The following ZAN variants were observed in gnomAD, a reference collection of about 807,000 sequenced individuals.
ZAN encodes zonadhesin (gene/pseudogene).
Under a neutral mutation model 286.2 loss-of-function variants are expected in ZAN, and 260 were observed. The ratio of observed to expected loss-of-function variants is 0.91; its 90% CI spans 0.82 to 1.01. ZAN has a LOEUF of 1.01. Ranked by LOEUF, ZAN falls within the 50% of genes least tolerant of loss-of-function variation. The pLI, the probability that ZAN is intolerant of heterozygous loss-of-function variation, is 0.00. For synonymous variants in ZAN, 1,368 were observed against 1,417.5 expected, an observed-to-expected ratio of 0.97 and a Z score of 0.79; for missense variants, 3,410 against 3,639.2, an observed-to-expected ratio of 0.94 and a Z score of 1.62.
intron 22 of ZAN, among the ~76,000 whole-genome samples, chr7:100,764,820 G>A (rs1254836508): frequency 6.6e-6 from 1 of 152,168 alleles, no homozygotes; most frequent in Non-Finnish European, 1.5e-5. Flanking sequence ...GGAGGTTGCA[G>A]TAAGCAGAGA....
Position 100,795,296 on chromosome 7 carries a change from G to C in ZAN, c.8226G>C (p.Leu2742=), listed in dbSNP as rs2116360380. The change falls in exon 45 of 48, where the codon CTG becomes CTC. Residue 2742 remains leucine, a synonymous_variant. Coordinates refer to ENST00000613979, the MANE Select transcript of ZAN (RefSeq NM_003386.3). The part of the protein sequence containing the change: ...CECEVGYGGG[L]CMEPRDAPPP... The stretch of plus-strand genomic sequence containing the variant: ...GTGAAGTTGGTTACGGGGGAGGCCT[G>C]TGTATGGAGCCTCGAGATGCGCCAC... The C allele has an allele frequency of 1.2e-6, 2 of 1,608,670 alleles. No homozygotes were observed. Among genetic ancestry groups the C allele is most frequent in the South Asian group, 2.2e-5 (2 of 90,488 alleles).
At chr7:100,794,297 G>A in intron 44 of ZAN, 39 bp downstream of exon 44, 2 of 1,552,574 alleles carry the variant, frequency 1.3e-6, no homozygotes, top group South Asian at 1.2e-5. Context: ...GCTGCCCCAT[G>A]CCCTGGGGCG....
In ZAN at chr7:100,752,088, C is replaced by A; in HGVS notation, c.1983C>A (p.Pro661=). The A allele has an allele frequency of 6.2e-7, 1 of 1,612,570 alleles. No homozygotes were observed. The highest frequency in any genetic ancestry group is 8.5e-7 in the Non-Finnish European group (1 of 1,179,638). ...AACCCACCGTCCCCACAGAAGAGCC[C>A]ACCACCCCCACTGAGGAGACCACCA... ...TEKPTVPTEE[P]TTPTEETTTS... is the part of the protein sequence containing the mutation. Residue 661 remains proline, a synonymous_variant, in exon 14 of 48, where the codon CCC becomes CCA. Transcript: ENST00000613979.
intron 3 of ZAN, among the ~76,000 whole-genome samples, chr7:100,736,165 G>C (rs1414957885): frequency 7.0e-6 from 1 of 141,864 alleles, no homozygotes; most frequent in African/African-American, 2.6e-5. Context: ...AAAAACAGAC[G>C]AGCAATTTCT....
chr7:100,793,147 T>C (rs1336533347), intron 42 of ZAN, among the ~76,000 whole-genome samples: 1 of 151,828 alleles, frequency 6.6e-6, no homozygotes, highest in Non-Finnish European at 1.5e-5. Context: ...GAGACCGGCC[T>C]GGGGAACCAG....
In ZAN at chr7:100,767,260, G is replaced by A. The variant is rs1454755962; in HGVS notation, c.4860+3G>A. On this transcript the variant is annotated splice_donor_region_variant and intron_variant, in intron 25 of 47. Coordinates refer to ENST00000613979, the MANE Select transcript of ZAN (RefSeq NM_003386.3). ...TGCTCAGAGGCTGTAAGGTCATGGT[G>A]GGTGTCTTCCTCCTGCCTCCTGGAC... is the stretch of plus-strand genomic sequence containing the variant. 1 of 1,604,834 alleles carries A rather than the reference G, an allele frequency of 6.2e-7. No homozygotes were observed.
At chr7:100,792,243 G>T in intron 41 of ZAN, 95 bp downstream of exon 41, 1 of 1,498,226 alleles carries the variant, frequency 6.7e-7, no homozygotes, top group South Asian at 1.4e-5. Flanking sequence ...CAAGCTCTGT[G>T]TGGTTCACTC....
At chr7:100,769,168 G>A (rs906416993) in intron 27 of ZAN, among the ~76,000 whole-genome samples, 3 of 151,302 alleles carry the variant, frequency 2.0e-5, no homozygotes, top group African/African-American at 7.3e-5. Flanking sequence ...ATCTCAGCTC[G>A]CTGCAACTTC....
chr7:100,785,359 TA>T, intron 36 of ZAN, among the ~76,000 whole-genome samples: 1 of 151,818 alleles, frequency 6.6e-6, no homozygotes, highest in South Asian at 2.1e-4. Context: ...GTCTCCTGTG[TA>T]GCTGGGATTA....
At chr7:100,747,849 G>A (rs1248010124) in intron 9 of ZAN, among the ~76,000 whole-genome samples, 3 of 151,786 alleles carry the variant, frequency 2.0e-5, no homozygotes, top group Non-Finnish European at 2.9e-5. Context: ...AAAATTAGGC[G>A]GGCACAGTGA....
chr7:100,786,892 A>C (rs1034077118), intron 37 of ZAN, among the ~76,000 whole-genome samples: 3 of 152,040 alleles, frequency 2.0e-5, no homozygotes, highest in Non-Finnish European at 4.4e-5. Flanking sequence ...TCCCTACAAA[A>C]AATTTTAAAA....
At position 100,744,937 on chromosome 7, in the gene ZAN, G is replaced by A. The variant is rs890754634; in HGVS notation, c.767-1601G>A. Reference sequence around the variant, plus strand: ...CTCGCTCTGTCGCCCAGGCTGGAGTGCGGTGACGCGATCTCAGCTCACTGC... The same window carrying A: ...CTCGCTCTGTCGCCCAGGCTGGAGTACGGTGACGCGATCTCAGCTCACTGC... On this transcript the variant is annotated intron_variant, in intron 7 of 47. Transcript: ENST00000613979. 7.6e-4 allele frequency among the ~76,000 whole-genome samples: 115 copies of A among 150,836 alleles called. 2 individuals carry two copies. The highest frequency in any genetic ancestry group is 2.7e-3 in the African/African-American group (110 of 40,902).
intron 7 of ZAN, among the ~76,000 whole-genome samples, chr7:100,738,968 CCTCT>C (rs1807542638): frequency 2.8e-5 from 1 of 35,550 alleles, no homozygotes; most frequent in Non-Finnish European, 5.9e-5. Flanking sequence ...TCTCCCTCTC[CCTCT>C]CCCTCTCCCT....
intron 34 of ZAN, among the ~76,000 whole-genome samples, chr7:100,776,833 C>T (rs1161406064): frequency 1.5e-5 from 2 of 137,768 alleles, no homozygotes; most frequent in Non-Finnish European, 3.1e-5. Flanking sequence ...CCCGGGTTCA[C>T]GCCATTCTCC....
intron 11 of ZAN, among the ~76,000 whole-genome samples, 153 bp downstream of exon 11, chr7:100,748,623 G>C (rs1421742168): frequency 6.6e-6 from 1 of 152,186 alleles, no homozygotes; most frequent in African/African-American, 2.4e-5. Context: ...TACTGGAATT[G>C]TGGAGATAGC....
At chr7:100,782,942 A>C (rs1811285409) in intron 35 of ZAN, among the ~76,000 whole-genome samples, 1 of 152,198 alleles carries the variant, frequency 6.6e-6, no homozygotes, top group Non-Finnish European at 1.5e-5. Flanking sequence ...TGCATGTAGC[A>C]GTAACACAAA....
In ZAN at chr7:100,797,428, G is replaced by GT; in HGVS notation, c.8330dup (p.Thr2778AspfsTer58). ...GCCTGTGGTGGTCGTACTACTGGCC[G>GT]TGACCAGAGAGTGCATTTACAGAAC... On this transcript the variant is annotated frameshift_variant, in exon 46 of 48. Coordinates refer to ENST00000613979, the MANE Select transcript of ZAN (RefSeq NM_003386.3). LOFTEE classifies it high-confidence loss of function. 1 of 1,613,922 alleles carries GT rather than the reference G, an allele frequency of 6.2e-7. No individual in the cohort carries two copies. Among genetic ancestry groups the GT allele is most frequent in the Non-Finnish European group, 8.5e-7 (1 of 1,179,864 alleles).
At position 100,748,320 on chromosome 7, in the gene ZAN, C is replaced by T; in HGVS notation, c.1103-4C>T. ...TGCTCAAATATCCTATTTTGATCCC[C>T]CAGAGGGTTTTCCTCAGTGTGACTT... On this transcript the variant is annotated splice_region_variant and splice_polypyrimidine_tract_variant and intron_variant, in intron 10 of 47. Coordinates refer to ENST00000613979, the MANE Select transcript of ZAN (RefSeq NM_003386.3). The T allele has an allele frequency of 6.2e-7, 1 of 1,613,956 alleles. No individual in the cohort carries two copies. The highest frequency in any genetic ancestry group is 8.5e-7 in the Non-Finnish European group (1 of 1,179,892).
chr7:100,751,888 A>G lies in ZAN; in HGVS notation c.1783A>G (p.Thr595Ala). ...CCCCAAAGAAAAGCCCACCATTCCC[A>G]CAGAAAAACCCACCATCTCCACAGA... ...TVPKEKPTIPTEKPTISTEKP... is the reference protein window; with the variant it reads ...TVPKEKPTIPAEKPTISTEKP... The change falls in exon 14 of 48, where the codon ACA becomes GCA. Residue 595 changes from threonine (T) to alanine (A), a missense_variant. Thr to Ala is a moderately conservative substitution (Grantham distance 58). Coordinates refer to ENST00000613979, the MANE Select transcript of ZAN (RefSeq NM_003386.3). The G allele has an allele frequency of 6.2e-7, 1 of 1,613,152 alleles. No individual in the cohort carries two copies. Among genetic ancestry groups the G allele is most frequent in the African/African-American group, 1.3e-5 (1 of 74,828 alleles).
Sources: allele counts gnomAD v4.1 joint callset (sites outside exome capture counted in the v4.1 genomes callset), GRCh38; gene constraint gnomAD v4.1.1; transcripts MANE v1.5; gene names NCBI Gene and HGNC (gene_info 2026-07-23, HGNC 2026-07-21).